PAK5: variants seen among roughly 807,000 people sequenced by gnomAD.
PAK5 encodes serine/threonine-protein kinase PAK 5.
A neutral mutation model predicts 65.9 loss-of-function variants in PAK5; 16 were observed. The observed-to-expected ratio is 0.24, with a 90% CI of 0.16 to 0.37. The LOEUF is 0.37. Among genes scored for constraint, PAK5 ranks in the 10% least tolerant of loss-of-function variants. The pLI is 1.00. For missense variants in PAK5, 785 were observed against 903.9 expected, an observed-to-expected ratio of 0.87 and a Z score of 1.69; for synonymous variants, 371 against 354.9, an observed-to-expected ratio of 1.05 and a Z score of -0.51.
intron 7 of PAK5, among the ~76,000 whole-genome samples, chr20:9,548,371 T>C (rs1390484939): frequency 1.3e-5 from 2 of 151,958 alleles, no homozygotes; most frequent in African/African-American, 4.8e-5. Flanking sequence ...TCACTCTCTT[T>C]TTTTTTTTAA....
intron 3 of PAK5, among the ~76,000 whole-genome samples, chr20:9,588,944 A>G (rs1161756258): frequency 6.6e-6 from 1 of 152,172 alleles, no homozygotes; most frequent in Non-Finnish European, 1.5e-5. Context: ...ATAAGCTATA[A>G]TGGATCTGTC....
At chr20:9,624,285 G>C in intron 3 of PAK5, among the ~76,000 whole-genome samples, 1 of 152,078 alleles carries the variant, frequency 6.6e-6, no homozygotes, top group Non-Finnish European at 1.5e-5. Context: ...GCCTGTCTTG[G>C]TTATCAATAT....
At chr20:9,678,522 G>A (rs1850488253) in intron 2 of PAK5, among the ~76,000 whole-genome samples, 1 of 152,134 alleles carries the variant, frequency 6.6e-6, no homozygotes. Context: ...AGCTGAGATT[G>A]CACCACTGCA....
chr20:9,699,851 G>A (rs1327191930), intron 2 of PAK5, among the ~76,000 whole-genome samples: 1 of 152,046 alleles, frequency 6.6e-6, no homozygotes, highest in Non-Finnish European at 1.5e-5. Context: ...TTGGAAGGGT[G>A]GACCTTCAAG....
chr20:9,729,569 T>C (rs974324014), intron 1 of PAK5, among the ~76,000 whole-genome samples: 2 of 152,174 alleles, frequency 1.3e-5, no homozygotes, highest in Non-Finnish European at 2.9e-5. Context: ...TTAGTGAGAC[T>C]TTAGGGAAAG....
At chr20:9,668,585 C>T (rs760142927) in intron 2 of PAK5, among the ~76,000 whole-genome samples, 33 of 152,116 alleles carry the variant, frequency 2.2e-4, no homozygotes, top group Non-Finnish European at 4.3e-4. Context: ...AGGGGACTGG[C>T]GACTTGGAAA....
chr20:9,673,774 G>A (rs897480659), intron 2 of PAK5, among the ~76,000 whole-genome samples: 14 of 152,074 alleles, frequency 9.2e-5, no homozygotes, highest in Non-Finnish European at 1.9e-4. Flanking sequence ...TCTGCCCACA[G>A]ACCCCCTCTG....
intron 6 of PAK5, among the ~76,000 whole-genome samples, 197 bp from the exon 7 acceptor site, chr20:9,557,931 C>A (rs774433272): frequency 1.3e-5 from 2 of 151,990 alleles, no homozygotes; most frequent in Non-Finnish European, 2.9e-5. Context: ...ATGACAGGGA[C>A]CAAATATAAG....
chr20:9,547,125 T>A (rs1009415898), intron 7 of PAK5, among the ~76,000 whole-genome samples: 1 of 152,090 alleles, frequency 6.6e-6, no homozygotes, highest in African/African-American at 2.4e-5. Context: ...GAAGACCATG[T>A]GAAGGCAAAG....
intron 1 of PAK5, among the ~76,000 whole-genome samples, chr20:9,734,021 A>G (rs1307732364): frequency 6.6e-6 from 1 of 152,224 alleles, no homozygotes; most frequent in Non-Finnish European, 1.5e-5. Context: ...TCTCCTTTTA[A>G]TGTGAAGTAG....
At chr20:9,734,163 G>A (rs1388554923) in intron 1 of PAK5, among the ~76,000 whole-genome samples, 1 of 152,172 alleles carries the variant, frequency 6.6e-6, no homozygotes, top group Non-Finnish European at 1.5e-5. Flanking sequence ...TGTGCTAAAA[G>A]AAAAGTTGTA....
chr20:9,795,530 T>C (rs1298781858), intron 1 of PAK5, among the ~76,000 whole-genome samples: 1 of 152,118 alleles, frequency 6.6e-6, no homozygotes, highest in Non-Finnish European at 1.5e-5. Flanking sequence ...CACCCAATTA[T>C]ATACAATAAA....
At chr20:9,693,990 C>CT (rs35794790) in intron 2 of PAK5, among the ~76,000 whole-genome samples, 8 of 146,570 alleles carry the variant, frequency 5.5e-5, no homozygotes, top group South Asian at 2.2e-4. Context: ...CATCAAGGTC[C>CT]TTTTTTTTTT....
chr20:9,727,088 G>A (rs1033419701), intron 1 of PAK5, among the ~76,000 whole-genome samples: 4 of 151,990 alleles, frequency 2.6e-5, no homozygotes, highest in South Asian at 2.1e-4. Flanking sequence ...AATATCAAAC[G>A]TGTATACTTC....
intron 2 of PAK5, among the ~76,000 whole-genome samples, chr20:9,705,084 G>T (rs2047988816): frequency 6.6e-6 from 1 of 152,158 alleles, no homozygotes; most frequent in Non-Finnish European, 1.5e-5. Context: ...AGTGGGTAAA[G>T]GCCAAGCGTG....
chr20:9,559,719 C>A (rs1042163962), intron 6 of PAK5, among the ~76,000 whole-genome samples: 6 of 151,980 alleles, frequency 3.9e-5, no homozygotes, highest in Non-Finnish European at 5.9e-5. Context: ...GCGGAGATAG[C>A]GCCTCTGCAT....
At chr20:9,661,308 C>A (rs1185368159) in intron 2 of PAK5, among the ~76,000 whole-genome samples, 1 of 152,122 alleles carries the variant, frequency 6.6e-6, no homozygotes, top group East Asian at 1.9e-4. Context: ...GAAGAAGCCT[C>A]AAGGATCCTC....
intron 2 of PAK5, among the ~76,000 whole-genome samples, chr20:9,645,615 C>T (rs1484181110): frequency 6.6e-6 from 1 of 150,396 alleles, no homozygotes; most frequent in Non-Finnish European, 1.5e-5. Flanking sequence ...GACAGAGTAT[C>T]GCTCTGTTGC....
intron 4 of PAK5, among the ~76,000 whole-genome samples, chr20:9,579,700 A>G (rs1322213294): frequency 6.6e-6 from 1 of 152,222 alleles, no homozygotes; most frequent in East Asian, 1.9e-4. Context: ...AAAAATTACC[A>G]TGTTATACTG....
Sources: gnomAD v4.1 joint callset for allele counts (sites outside exome capture counted in the v4.1 genomes callset) on GRCh38, gnomAD v4.1.1 for gene constraint, MANE v1.5 for transcripts, NCBI Gene and HGNC (gene_info 2026-07-23, HGNC 2026-07-21) for gene names.